RTL4: variants seen among roughly 807,000 people sequenced by gnomAD.
The protein encoded by RTL4 is retrotransposon Gag like 4, also known as retrotransposon Gag-like protein 4.
Under a neutral mutation model 5.3 loss-of-function variants are expected in RTL4, and 4 were observed. The ratio of observed to expected loss-of-function variants is 0.75; its 90% CI spans 0.37 to 1.72. The LOEUF (loss-of-function observed/expected upper bound fraction) is 1.72, where lower values mean the gene tolerates loss of function less well. Among genes scored for constraint, RTL4 ranks in the 40% most tolerant of loss-of-function variants. The pLI is 0.04. For synonymous variants in RTL4, 98 were observed against 87.3 expected, an observed-to-expected ratio of 1.12 and a Z score of -0.68; for missense variants, 260 against 227.1, an observed-to-expected ratio of 1.14 and a Z score of -0.93.
At chrX:112,294,400 C>T in the RTL4 span, among the ~76,000 whole-genome samples, 1 of 111,114 alleles carries the variant, frequency 9.0e-6, no homozygotes, top group East Asian at 2.8e-4. Context: ...AGTTTGAGAC[C>T]AGCCTAACCA....
At chrX:112,439,684 A>T in the RTL4 span, among the ~76,000 whole-genome samples, 2 of 111,702 alleles carry the variant, frequency 1.8e-5, no homozygotes, top group Non-Finnish European at 3.8e-5. Flanking sequence ...TTCCTCATGA[A>T]CATCTTCATG....
the RTL4 span, among the ~76,000 whole-genome samples, chrX:112,354,989 A>G: frequency 9.0e-6 from 1 of 111,525 alleles, no homozygotes; most frequent in Admixed American, 9.6e-5. Flanking sequence ...TGTGCCAGGA[A>G]ATGTGTTAAT....
chrX:112,209,683 C>T, the RTL4 span, among the ~76,000 whole-genome samples: 2 of 111,342 alleles, frequency 1.8e-5, no homozygotes, highest in Admixed American at 9.6e-5. Flanking sequence ...AGGCCGATCA[C>T]GTATATACCA....
At chrX:112,272,017 T>TTG in the RTL4 span, among the ~76,000 whole-genome samples, 1 of 111,929 alleles carries the variant, frequency 8.9e-6, no homozygotes, top group Admixed American at 9.5e-5. Flanking sequence ...TAGTTACCAT[T>TTG]TGTGTGTGTG....
the RTL4 span, among the ~76,000 whole-genome samples, chrX:112,115,422 T>A: frequency 9.0e-6 from 1 of 111,470 alleles, no homozygotes; most frequent in African/African-American, 3.3e-5. Context: ...CCTTGTCCTA[T>A]AAAGATGTTA....
the RTL4 span, among the ~76,000 whole-genome samples, chrX:112,236,509 A>ATATAGATATAGATC: frequency 1.2e-5 from 1 of 80,960 alleles, no homozygotes; most frequent in African/African-American, 4.8e-5. Flanking sequence ...AGATATAGAT[A>ATATAGATATAGATC]TATATAAAAT....
the RTL4 span, among the ~76,000 whole-genome samples, chrX:112,215,132 TA>T: frequency 9.0e-6 from 1 of 111,725 alleles, no homozygotes; most frequent in African/African-American, 3.2e-5. Context: ...ATTTTTATAT[TA>T]TTCGATATAT....
the RTL4 span, among the ~76,000 whole-genome samples, chrX:112,365,295 CAGAA>C: frequency 9.0e-6 from 1 of 110,969 alleles, no homozygotes; most frequent in East Asian, 2.9e-4. Context: ...CACTGCAAGA[CAGAA>C]AGAATGAGAG....
chrX:112,375,071 G>A, the RTL4 span, among the ~76,000 whole-genome samples: 2 of 111,776 alleles, frequency 1.8e-5, no homozygotes, highest in African/African-American at 6.5e-5. Context: ...TGCAAAGCCA[G>A]GCCAGGTGTG....
At chrX:112,421,666 G>C in the RTL4 span, among the ~76,000 whole-genome samples, 1 of 112,172 alleles carries the variant, frequency 8.9e-6, no homozygotes, top group African/African-American at 3.2e-5. Context: ...AGTGAACGCT[G>C]ATATGAGTGA....
the RTL4 span, among the ~76,000 whole-genome samples, chrX:112,301,362 T>C: frequency 4.4e-5 from 5 of 112,384 alleles, no homozygotes; most frequent in African/African-American, 1.6e-4. Context: ...CCTCATCAGG[T>C]TGTTTAAAGG....
At chrX:112,390,108 T>A in the RTL4 span, among the ~76,000 whole-genome samples, 58 of 1,018 alleles carry the variant, frequency 0.057, no homozygotes, top group African/African-American at 0.14. Context: ...TTATATATAA[T>A]ATATATATAT....
At chrX:112,387,416 T>C in the RTL4 span, among the ~76,000 whole-genome samples, 20 of 97,251 alleles carry the variant, frequency 2.1e-4, no homozygotes, top group African/African-American at 6.4e-4. Flanking sequence ...ACAGATCACA[T>C]CACAGGACTT....
At chrX:112,273,309 A>C in the RTL4 span, among the ~76,000 whole-genome samples, 1 of 106,808 alleles carries the variant, frequency 9.4e-6, no homozygotes, top group East Asian at 3.0e-4. Context: ...GCTGGAGTGC[A>C]GTGGCGTAAT....
the RTL4 span, among the ~76,000 whole-genome samples, chrX:112,291,762 A>T: frequency 9.1e-6 from 1 of 110,344 alleles, no homozygotes; most frequent in East Asian, 2.9e-4. Context: ...AGGCCAGCCA[A>T]TTTTTTGTAT....
the RTL4 span, among the ~76,000 whole-genome samples, chrX:112,314,634 T>A: frequency 5.6e-3 from 613 of 109,122 alleles, 5 homozygotes; most frequent in African/African-American, 0.02. Flanking sequence ...TTAAATGATA[T>A]AATTAGCTTG....
the RTL4 span, among the ~76,000 whole-genome samples, chrX:112,181,579 G>A: frequency 1.8e-5 from 2 of 111,640 alleles, no homozygotes; most frequent in African/African-American, 3.3e-5. Flanking sequence ...CTCAAACTGC[G>A]GGGAGCCCAC....
the RTL4 span, among the ~76,000 whole-genome samples, chrX:112,141,337 A>G: frequency 8.9e-6 from 1 of 111,881 alleles, no homozygotes; most frequent in South Asian, 3.7e-4. Context: ...TTCTACATAA[A>G]TATTTTCTAC....
chrX:112,454,146 C>T (rs1602582388), upstream of RTL4, among the ~76,000 whole-genome samples: 1 of 112,044 alleles, frequency 8.9e-6, no homozygotes, highest in East Asian at 2.8e-4. Flanking sequence ...AATCTTTTGG[C>T]TTCCATGGGC....
Sources: allele counts gnomAD v4.1 joint callset (sites outside exome capture counted in the v4.1 genomes callset), GRCh38; gene constraint gnomAD v4.1.1; transcripts MANE v1.5; gene names NCBI Gene and HGNC (gene_info 2026-07-23, HGNC 2026-07-21).